RECK: variants seen among roughly 807,000 people sequenced by gnomAD.
RECK encodes the protein reversion-inducing cysteine-rich protein with Kazal motifs.
Under a neutral mutation model 115.1 loss-of-function variants are expected in RECK, and 69 were observed. The ratio of observed to expected loss-of-function variants is 0.60; its 90% CI spans 0.49 to 0.73. The LOEUF is 0.73. Ranked by LOEUF, RECK falls within the 30% of genes least tolerant of loss-of-function variation. The probability of loss-of-function intolerance (pLI) is 0.00; values close to 1 mark genes in which losing one functional copy is unlikely to be tolerated. For missense variants in RECK, 1,047 were observed against 1,203.7 expected (o/e 0.87, Z 1.93); for synonymous variants, 414 against 419.7 (o/e 0.99, Z 0.17).
intron 4 of RECK, among the ~76,000 whole-genome samples, chr9:36,063,066 C>T (rs557623847): frequency 5.3e-5 from 8 of 151,936 alleles, no homozygotes; most frequent in South Asian, 4.2e-4. Flanking sequence ...ACCTGGGAGG[C>T]GGAGGTTGCA....
At chr9:36,039,273 A>G (rs535854170) in intron 1 of RECK, among the ~76,000 whole-genome samples, 9 of 152,332 alleles carry the variant, frequency 5.9e-5, no homozygotes, top group African/African-American at 2.2e-4. Context: ...GAGTAATATA[A>G]TGGACAAAGG....
intron 10 of RECK, among the ~76,000 whole-genome samples, chr9:36,098,144 G>A (rs76007989): frequency 0.025 from 3,823 of 152,250 alleles, 175 homozygotes; most frequent in African/African-American, 0.086. Flanking sequence ...CAAGAGATCT[G>A]TTATACAATG....
At chr9:36,105,908 T>C (rs1398384997) in intron 13 of RECK, among the ~76,000 whole-genome samples, 2 of 152,310 alleles carry the variant, frequency 1.3e-5, no homozygotes, top group Admixed American at 6.5e-5. Flanking sequence ...TTCTTTATCA[T>C]GTTAGAATCA....
chr9:36,058,896 A>G lies in RECK; in HGVS notation c.229A>G (p.Thr77Ala). ...GCGAGCCCCAGATTATTGCCCAGAGACAATGGTAAGTCTTATTGTAACTTA... is the reference window on the plus strand; with the variant it reads ...GCGAGCCCCAGATTATTGCCCAGAGGCAATGGTAAGTCTTATTGTAACTTA... ...LQRAPDYCPE[T>A]MVEIWNCMNS... The change falls in exon 3 of 21, where the codon ACA (threonine) becomes GCA (alanine). Residue 77 changes from threonine to alanine, a missense_variant. Physicochemically the swap from Thr to Ala is moderately conservative, Grantham distance 58. Transcript: ENST00000377966. 6.4e-7 allele frequency: 1 copy of G among 1,563,616 alleles called. No individual in the cohort carries two copies. The highest frequency in any genetic ancestry group is 8.7e-7 in the Non-Finnish European group (1 of 1,150,102).
At position 36,077,773 on chromosome 9, in the gene RECK, A is replaced by G. The variant is rs183546704; in HGVS notation, c.406-2832A>G. 2.0e-3 allele frequency among the ~76,000 whole-genome samples: 306 copies of G among 152,328 alleles called. 2 individuals are homozygous for G. The highest frequency in any genetic ancestry group is 3.4e-3 in the Non-Finnish European group (229 of 68,036). On this transcript the variant is annotated intron_variant, in intron 6 of 20. Transcript: ENST00000377966. ...GAACTCTGGATGTGACATCAAGGGAAGCAACTGTGCCGTTTTCCTTTTTCT... is the reference window on the plus strand; with the variant it reads ...GAACTCTGGATGTGACATCAAGGGAGGCAACTGTGCCGTTTTCCTTTTTCT...
chr9:36,078,551 C>T lies in RECK; in HGVS notation c.406-2054C>T, dbSNP rs143786345. ...ACCAGATGCCAGTAGCACTCCCCAC[C>T]CCTCAGTTGTGATAACCAAAAATGT... On this transcript the variant is annotated intron_variant, in intron 6 of 20. Transcript: ENST00000377966. Among the ~76,000 whole-genome samples the T allele has an allele frequency of 1.6e-3, 244 of 152,250 alleles. 2 individuals are homozygous for T. Among genetic ancestry groups the T allele is most frequent in the South Asian group, 4.8e-3 (23 of 4,820 alleles).
At chr9:36,110,128 C>T (rs1823984310) in intron 15 of RECK, 49 bp downstream of exon 15, 12 of 1,563,268 alleles carry the variant, frequency 7.7e-6, no homozygotes, top group Non-Finnish European at 1.0e-5. Flanking sequence ...CATTTCTTTG[C>T]ACACATTTTT....
chr9:36,040,279 AGTT>A (rs1820825112), intron 1 of RECK, among the ~76,000 whole-genome samples: 1 of 152,234 alleles, frequency 6.6e-6, no homozygotes, highest in Admixed American at 6.5e-5. Context: ...TTGTGTGAGT[AGTT>A]CTTTGTGTAA....
chr9:36,043,834 T>C (rs1285001424), intron 1 of RECK, among the ~76,000 whole-genome samples: 1 of 152,198 alleles, frequency 6.6e-6, no homozygotes, highest in Admixed American at 6.5e-5. Flanking sequence ...GCTGTAAGTA[T>C]TTTGCTTTAT....
chr9:36,119,391 C>G (rs1480242264), intron 18 of RECK, among the ~76,000 whole-genome samples: 1 of 152,198 alleles, frequency 6.6e-6, no homozygotes, highest in African/African-American at 2.4e-5. Flanking sequence ...TAGTTGTTGT[C>G]TTAGATTGGC....
At chr9:36,061,515 A>T (rs536845707) in intron 4 of RECK, among the ~76,000 whole-genome samples, 3 of 152,160 alleles carry the variant, frequency 2.0e-5, no homozygotes, top group Non-Finnish European at 4.4e-5. Context: ...AGCCCACATA[A>T]CACCTAACAG....
intron 7 of RECK, among the ~76,000 whole-genome samples, chr9:36,081,009 G>A (rs1014722482): frequency 2.0e-5 from 3 of 152,214 alleles, no homozygotes; most frequent in Non-Finnish European, 4.4e-5. Context: ...GCTGGGATAT[G>A]GTAGGATATG....
At chr9:36,052,883 G>A (rs1475219924) in intron 2 of RECK, among the ~76,000 whole-genome samples, 1 of 152,038 alleles carries the variant, frequency 6.6e-6, no homozygotes, top group Non-Finnish European at 1.5e-5. Context: ...AGGATAAATT[G>A]GTAAAATTTG....
intron 6 of RECK, among the ~76,000 whole-genome samples, chr9:36,070,882 T>C (rs531790729): frequency 7.9e-5 from 12 of 152,214 alleles, no homozygotes; most frequent in Non-Finnish European, 1.6e-4. Flanking sequence ...TGATAACTCC[T>C]TTATGGGCAT....
At chr9:36,122,282 G>A (rs187113602) in intron 20 of RECK, among the ~76,000 whole-genome samples, 9 of 152,282 alleles carry the variant, frequency 5.9e-5, no homozygotes, top group African/African-American at 1.4e-4. Flanking sequence ...AGTTCATCTC[G>A]TCGTTGTTTT....
At chr9:36,089,013 C>G (rs1823063526) in intron 9 of RECK, among the ~76,000 whole-genome samples, 1 of 152,092 alleles carries the variant, frequency 6.6e-6, no homozygotes, top group African/African-American at 2.4e-5. Context: ...ACAGTGAAGA[C>G]TCCGTCTCAA....
chr9:36,100,610 C>T, intron 11 of RECK, 67 bp downstream of exon 11: 1 of 1,206,346 alleles, frequency 8.3e-7, no homozygotes, highest in Non-Finnish European at 1.2e-6. Context: ...CTAGCCAGAG[C>T]CTCTCCATAG....
intron 10 of RECK, among the ~76,000 whole-genome samples, chr9:36,092,811 T>C (rs1355359655): frequency 6.6e-6 from 1 of 151,692 alleles, no homozygotes; most frequent in Non-Finnish European, 1.5e-5. Context: ...GCAGCAGTCT[T>C]GGCCTAAGGA....
At chr9:36,084,566 A>G (rs1216582797) in intron 8 of RECK, among the ~76,000 whole-genome samples, 6 of 152,214 alleles carry the variant, frequency 3.9e-5, no homozygotes, top group Admixed American at 3.3e-4. Context: ...GTGGTGGCAC[A>G]TGCCTGTAAT....
Sources: allele counts gnomAD v4.1 joint callset (sites outside exome capture counted in the v4.1 genomes callset), GRCh38; gene constraint gnomAD v4.1.1; transcripts MANE v1.5; gene names NCBI Gene and HGNC (gene_info 2026-07-23, HGNC 2026-07-21).